Variants in MICU1 observed in about 807,000 individuals in gnomAD.
The protein encoded by MICU1 is mitochondrial calcium uptake 1.
Under a neutral mutation model 56.8 loss-of-function variants are expected in MICU1, and 45 were observed. The observed-to-expected ratio is 0.79, with a 90% confidence interval of 0.62 to 1.02. MICU1 has a LOEUF of 1.02. Ranked by LOEUF, MICU1 falls within the 50% of genes least tolerant of loss-of-function variation. The probability of loss-of-function intolerance (pLI) is 0.00; values close to 1 mark genes in which losing one functional copy is unlikely to be tolerated. For missense variants in MICU1, 504 were observed against 587.1 expected, an observed-to-expected ratio of 0.86 and a Z score of 1.46; for synonymous variants, 186 against 195.1, an observed-to-expected ratio of 0.95 and a Z score of 0.39.
At chr10:72,430,601 C>T (rs1254149999) in intron 8 of MICU1, among the ~76,000 whole-genome samples, 1 of 149,224 alleles carries the variant, frequency 6.7e-6, no homozygotes, top group Admixed American at 6.7e-5. Context: ...CGCTCTGTTG[C>T]CCAGGCTGGA....
intron 6 of MICU1, among the ~76,000 whole-genome samples, chr10:72,482,849 ATATT>A (rs1303277073): frequency 6.8e-6 from 1 of 146,828 alleles, no homozygotes; most frequent in African/African-American, 2.5e-5. Context: ...ATATATATAT[ATATT>A]TATTTATTTT....
At chr10:72,456,715 G>T (rs1254229828) in intron 8 of MICU1, among the ~76,000 whole-genome samples, 1 of 151,870 alleles carries the variant, frequency 6.6e-6, no homozygotes, top group African/African-American at 2.4e-5. Flanking sequence ...TTGAGACAGG[G>T]TCTTGCTCTG....
chr10:72,623,165 C>T (rs1045241201), intron 1 of MICU1, among the ~76,000 whole-genome samples: 2 of 151,208 alleles, frequency 1.3e-5, no homozygotes, highest in Non-Finnish European at 3.0e-5. Context: ...CAGCTACTTA[C>T]GAGGATGAGG....
At chr10:72,378,271 C>T (rs546862108) in intron 10 of MICU1, among the ~76,000 whole-genome samples, 9 of 152,110 alleles carry the variant, frequency 5.9e-5, no homozygotes, top group African/African-American at 2.2e-4. Flanking sequence ...AAAACAAAAA[C>T]AAAAAAACCC....
chr10:72,414,986 T>G (rs1449215736), intron 9 of MICU1, among the ~76,000 whole-genome samples: 1 of 151,692 alleles, frequency 6.6e-6, no homozygotes, highest in Non-Finnish European at 1.5e-5. Context: ...ATTCTTGTCA[T>G]GTATCCTCTG....
intron 1 of MICU1, among the ~76,000 whole-genome samples, chr10:72,619,174 G>A (rs181956745): frequency 4.6e-5 from 7 of 152,278 alleles, no homozygotes; most frequent in Admixed American, 4.6e-4. Flanking sequence ...GCCAGGCCCG[G>A]TGGCTCACAC....
At chr10:72,612,303 T>C (rs1841872885) in intron 1 of MICU1, among the ~76,000 whole-genome samples, 1 of 152,064 alleles carries the variant, frequency 6.6e-6, no homozygotes. Context: ...AAATGACACT[T>C]CGTGAATCTT....
chr10:72,584,969 A>G lies in MICU1; in HGVS notation c.-1-18175T>C, dbSNP rs183292845. 1.2e-3 allele frequency among the ~76,000 whole-genome samples: 186 copies of G among 152,302 alleles called. 1 individual carries two copies. The highest frequency in any genetic ancestry group is 4.0e-3 in the African/African-American group (167 of 41,572). On this transcript the variant is annotated intron_variant, in intron 1 of 11. Transcript: ENST00000361114. ...CAGCCAAGAAAGTATTGACTTGCAC[A>G]AGGAAAAGGTCAGGGTGGGTAGAAG...
chr10:72,412,521 G>A (rs1863849254), intron 9 of MICU1, among the ~76,000 whole-genome samples: 1 of 152,194 alleles, frequency 6.6e-6, no homozygotes, highest in South Asian at 2.1e-4. Flanking sequence ...TTAACATTAG[G>A]AAGTTGCTAA....
chr10:72,420,517 C>T (rs2132130637), intron 9 of MICU1, among the ~76,000 whole-genome samples: 1 of 152,284 alleles, frequency 6.6e-6, no homozygotes, highest in South Asian at 2.1e-4. Flanking sequence ...ACTTGGAAAT[C>T]TCTCATGGAA....
At chr10:72,431,334 T>C (rs1212399735) in intron 8 of MICU1, among the ~76,000 whole-genome samples, 4 of 152,168 alleles carry the variant, frequency 2.6e-5, no homozygotes, top group African/African-American at 9.7e-5. Context: ...TTCGCCATCT[T>C]GCCCAGGCTG....
At chr10:72,379,698 G>A (rs1459656583) in intron 10 of MICU1, 1 of 256,966 alleles carries the variant, frequency 3.9e-6, no homozygotes, top group Non-Finnish European at 8.1e-6. Context: ...AGGGACTTCT[G>A]GAGGCCTCCA....
At chr10:72,586,285 T>G (rs960218654) in intron 1 of MICU1, among the ~76,000 whole-genome samples, 1 of 152,116 alleles carries the variant, frequency 6.6e-6, no homozygotes, top group Non-Finnish European at 1.5e-5. Context: ...GTTCTGGAAT[T>G]ACGGTTGTGA....
In MICU1 at chr10:72,548,379, T is replaced by C. The variant is rs565806654; in HGVS notation, c.493+2800A>G. 1.1e-4 allele frequency among the ~76,000 whole-genome samples: 17 copies of C among 152,338 alleles called. No individual in the cohort carries two copies. In the South Asian group the frequency reaches 2.7e-3, roughly 24 times the overall value. On this transcript the variant is annotated intron_variant, in intron 4 of 11. Coordinates refer to ENST00000361114, the MANE Select transcript of MICU1 (RefSeq NM_001195518.2). Reference sequence around the variant, plus strand: ...CCAACTGTAACAGTTATTTTTTAGATAGGAAAATTTGAACAGTGCCTGGAT... The same window carrying C: ...CCAACTGTAACAGTTATTTTTTAGACAGGAAAATTTGAACAGTGCCTGGAT...
At chr10:72,416,646 G>A (rs570656409) in intron 9 of MICU1, among the ~76,000 whole-genome samples, 1 of 152,280 alleles carries the variant, frequency 6.6e-6, no homozygotes, top group East Asian at 1.9e-4. Flanking sequence ...GTTGGGGATA[G>A]GGCTACGACA....
intron 10 of MICU1, among the ~76,000 whole-genome samples, chr10:72,389,725 G>A (rs1863006063): frequency 6.6e-6 from 1 of 152,180 alleles, no homozygotes; most frequent in African/African-American, 2.4e-5. Flanking sequence ...TTACAGTGGA[G>A]CTTTATTGTA....
At chr10:72,439,122 G>A (rs1027670478) in intron 8 of MICU1, among the ~76,000 whole-genome samples, 9 of 151,988 alleles carry the variant, frequency 5.9e-5, no homozygotes, top group Admixed American at 1.3e-4. Flanking sequence ...GACCAATATC[G>A]CTGATGAACA....
chr10:72,569,233 A>ATTTTTTTTT lies in MICU1; in HGVS notation c.-1-2440_-1-2439insAAAAAAAAA, dbSNP rs1231227018. ...TATATATATATATATATATATATATATATATTTTTTTTTTTTTTTGAGATG... is the reference window on the plus strand; with the variant it reads ...TATATATATATATATATATATATATATTTTTTTTTTATATTTTTTTTTTTTTTTGAGATG... On this transcript the variant is annotated intron_variant, in intron 1 of 11. Transcript: ENST00000361114. Among the ~76,000 whole-genome samples, 261 of 40,284 alleles carry ATTTTTTTTT rather than the reference A, an allele frequency of 6.5e-3. 4 individuals carry two copies. Among genetic ancestry groups the ATTTTTTTTT allele is most frequent in the Non-Finnish European group, 9.9e-3 (194 of 19,544 alleles). The allele number at this position is 40,284 out of a possible 152,430, so 26.4% of individuals were successfully genotyped here. A position where few individuals can be genotyped will look rare whatever the true frequency, so the allele number is the denominator to read the frequency against.
intron 5 of MICU1, among the ~76,000 whole-genome samples, chr10:72,519,169 T>A (rs1010769874): frequency 6.6e-6 from 1 of 152,246 alleles, no homozygotes; most frequent in African/African-American, 2.4e-5. Context: ...CTGACCAATG[T>A]TACCTCTTCT....
Sources: gnomAD v4.1 joint callset for allele counts (sites outside exome capture counted in the v4.1 genomes callset) on GRCh38, gnomAD v4.1.1 for gene constraint, MANE v1.5 for transcripts, NCBI Gene and HGNC (gene_info 2026-07-23, HGNC 2026-07-21) for gene names.